Variants in MTHFD2L observed in about 807,000 individuals in gnomAD.
MTHFD2L encodes bifunctional methylenetetrahydrofolate dehydrogenase/cyclohydrolase 2, mitochondrial.
In MTHFD2L, 29 loss-of-function variants were observed where a neutral mutation model predicts 34.9. That is an observed-to-expected ratio of 0.83 (90% CI 0.62 to 1.13). The LOEUF is 1.13. Among genes scored for constraint, MTHFD2L ranks in the 50% most tolerant of loss-of-function variants. MTHFD2L has a pLI of 0.00. For missense variants in MTHFD2L, 481 were observed against 446.5 expected, an observed-to-expected ratio of 1.08 and a Z score of -0.70; for synonymous variants, 167 against 155.7, an observed-to-expected ratio of 1.07 and a Z score of -0.54.
chr4:74,278,634 G>T (rs1747002956), intron 6 of MTHFD2L, among the ~76,000 whole-genome samples: 1 of 152,004 alleles, frequency 6.6e-6, no homozygotes, highest in African/African-American at 2.4e-5. Flanking sequence ...GTCTATTATG[G>T]CCTCAGCTAA....
In MTHFD2L at chr4:74,275,392, C is replaced by T. The variant is rs150332224; in HGVS notation, c.806-6033C>T. 5.0e-3 allele frequency among the ~76,000 whole-genome samples: 768 copies of T among 152,080 alleles called. 5 individuals are homozygous for T. The highest frequency in any genetic ancestry group is 0.012 in the South Asian group (57 of 4,808). On this transcript the variant is annotated intron_variant, in intron 6 of 7. Coordinates refer to ENST00000325278, the MANE Select transcript of MTHFD2L (RefSeq NM_001144978.3). ...TCCAAGTCTTTGTTATTGTAAATAG[C>T]GCTGCGATAAATATATGTGTGCATG...
At chr4:74,136,253 A>G (rs1362464605) in intron 1 of MTHFD2L, among the ~76,000 whole-genome samples, 2 of 152,110 alleles carry the variant, frequency 1.3e-5, no homozygotes, top group East Asian at 3.8e-4. Context: ...AAAAACTGTT[A>G]TAACTCATAC....
intron 1 of MTHFD2L, among the ~76,000 whole-genome samples, chr4:74,150,433 T>C (rs936934704): frequency 6.6e-6 from 1 of 152,216 alleles, no homozygotes; most frequent in Admixed American, 6.5e-5. Flanking sequence ...TTGTATTTTT[T>C]AGTAGAGACG....
intron 5 of MTHFD2L, among the ~76,000 whole-genome samples, chr4:74,202,942 C>T (rs16850650): frequency 2.0e-5 from 3 of 152,002 alleles, no homozygotes; most frequent in Non-Finnish European, 4.4e-5. Flanking sequence ...TTGTTGAATT[C>T]GAGTTTCCTG....
intron 6 of MTHFD2L, among the ~76,000 whole-genome samples, chr4:74,239,960 G>A (rs954136660): frequency 1.3e-5 from 2 of 152,094 alleles, no homozygotes; most frequent in African/African-American, 4.8e-5. Context: ...AGGGTAGTTG[G>A]TCAGGATATA....
chr4:74,120,917 C>G (rs548109819), upstream of MTHFD2L, among the ~76,000 whole-genome samples: 1 of 152,190 alleles, frequency 6.6e-6, no homozygotes, highest in Admixed American at 6.5e-5. Context: ...GTGACATATT[C>G]AACCTGTTCA....
chr4:74,143,718 G>C (rs534623965), intron 1 of MTHFD2L, among the ~76,000 whole-genome samples: 1 of 151,922 alleles, frequency 6.6e-6, no homozygotes, highest in South Asian at 2.1e-4. Context: ...AAATTTTTTG[G>C]GTTGTGGAAA....
At chr4:74,266,633 A>G (rs570880471) in intron 6 of MTHFD2L, among the ~76,000 whole-genome samples, 1 of 151,548 alleles carries the variant, frequency 6.6e-6, no homozygotes, top group South Asian at 2.1e-4. Flanking sequence ...CACTTCTCCA[A>G]CTCTCCTGAC....
At chr4:74,171,550 C>T (rs1361988833) in intron 1 of MTHFD2L, among the ~76,000 whole-genome samples, 2 of 152,172 alleles carry the variant, frequency 1.3e-5, no homozygotes, top group Non-Finnish European at 2.9e-5. Context: ...CACCTGTAGT[C>T]CCAGCATTTT....
At chr4:74,189,612 T>G (rs1732111921) in intron 3 of MTHFD2L, among the ~76,000 whole-genome samples, 1 of 151,220 alleles carries the variant, frequency 6.6e-6, no homozygotes, top group African/African-American at 2.4e-5. Flanking sequence ...TCTCTCTCTC[T>G]CATTCATATT....
intron 6 of MTHFD2L, among the ~76,000 whole-genome samples, chr4:74,273,367 C>A (rs149580925): frequency 1.3e-5 from 2 of 152,080 alleles, no homozygotes; most frequent in Admixed American, 6.6e-5. Context: ...GGATAAAGGC[C>A]ATTAAGTTTG....
chr4:74,251,202 C>T (rs954870239), intron 6 of MTHFD2L, among the ~76,000 whole-genome samples: 1 of 152,144 alleles, frequency 6.6e-6, no homozygotes, highest in Non-Finnish European at 1.5e-5. Flanking sequence ...TCTCCAAAAT[C>T]ATTAGATACA....
chr4:74,175,346 G>A lies in MTHFD2L; in HGVS notation c.394G>A (p.Asp132Asn), dbSNP rs1251250106. Residue 132 changes from aspartate to asparagine, a missense_variant, in exon 3 of 8, where the codon GAT becomes AAT. Asp to Asn is a conservative substitution (Grantham distance 23). Transcript: ENST00000325278. ...VSQEELLDVT[D>N]QLNMDPRVSG... ...TCAGGAAGAACTTTTGGACGTAACT[G>A]ATCAATTGAATATGGACCCAAGAGT... The A allele has an allele frequency of 6.2e-7, 1 of 1,613,126 alleles. No homozygotes were observed. The highest frequency in any genetic ancestry group is 1.7e-5 in the Admixed American group (1 of 59,946).
At chr4:74,254,713 T>G (rs1743773242) in intron 6 of MTHFD2L, among the ~76,000 whole-genome samples, 1 of 152,158 alleles carries the variant, frequency 6.6e-6, no homozygotes, top group Non-Finnish European at 1.5e-5. Flanking sequence ...AAACTCATTG[T>G]GAAGGTAAGA....
In MTHFD2L at chr4:74,300,218, A is replaced by T. The variant is rs1295400040; in HGVS notation, c.932-1479A>T. Among the ~76,000 whole-genome samples, 5 of 152,146 alleles carry T rather than the reference A, an allele frequency of 3.3e-5. No individual in the cohort carries two copies. The South Asian group carries it at 6.2e-4, about 19-fold the overall frequency. On this transcript the variant is annotated intron_variant, in intron 7 of 7. Coordinates refer to ENST00000325278, the MANE Select transcript of MTHFD2L (RefSeq NM_001144978.3). ...AGTATTCTTATATTTTCTTTATAGC[A>T]TCCCATCAGAAAATTCATAACACAT...
chr4:74,206,475 A>G (rs973143203), intron 5 of MTHFD2L, among the ~76,000 whole-genome samples: 1 of 152,192 alleles, frequency 6.6e-6, no homozygotes, highest in Admixed American at 6.5e-5. Context: ...AGATACTAGC[A>G]TACGGTTAGA....
chr4:74,134,497 A>G (rs190558684), intron 1 of MTHFD2L, among the ~76,000 whole-genome samples: 1 of 152,326 alleles, frequency 6.6e-6, no homozygotes, highest in East Asian at 1.9e-4. Flanking sequence ...AAGCAACTGT[A>G]TTCAATAAAA....
intron 5 of MTHFD2L, among the ~76,000 whole-genome samples, chr4:74,217,346 G>A (rs971484478): frequency 1.3e-5 from 2 of 151,786 alleles, no homozygotes; most frequent in Non-Finnish European, 2.9e-5. Context: ...TATAATTTAT[G>A]TATTCATTGC....
intron 3 of MTHFD2L, among the ~76,000 whole-genome samples, chr4:74,186,761 A>C (rs1021229639): frequency 6.6e-6 from 1 of 152,108 alleles, no homozygotes; most frequent in Non-Finnish European, 1.5e-5. Flanking sequence ...TTTTCCTCCA[A>C]CTGATTTGTA....
Sources: gnomAD v4.1 joint callset for allele counts (sites outside exome capture counted in the v4.1 genomes callset) on GRCh38, gnomAD v4.1.1 for gene constraint, MANE v1.5 for transcripts, NCBI Gene and HGNC (gene_info 2026-07-23, HGNC 2026-07-21) for gene names.